The following GNB4 variants were observed in gnomAD, a reference collection of about 807,000 sequenced individuals.
GNB4 encodes the protein G protein subunit beta 4, also known as guanine nucleotide-binding protein subunit beta-4.
GNB4 carries 28 observed loss-of-function variants against 45.2 expected under a neutral mutation model. The ratio of observed to expected loss-of-function variants is 0.62; its 90% CI spans 0.46 to 0.85. GNB4 has a LOEUF of 0.85. Ranked by LOEUF, GNB4 falls within the 40% of genes least tolerant of loss-of-function variation. The probability of loss-of-function intolerance (pLI) is 0.00; values close to 1 mark genes in which losing one functional copy is unlikely to be tolerated. For missense variants in GNB4, 321 were observed against 425.4 expected (o/e 0.75, Z 2.16); for synonymous variants, 132 against 143.7 (o/e 0.92, Z 0.58).
chr3:179,431,425 G>A (rs1242897048), intron 1 of GNB4, among the ~76,000 whole-genome samples: 3 of 151,896 alleles, frequency 2.0e-5, no homozygotes, highest in South Asian at 2.1e-4. Flanking sequence ...CAGGCATCTT[G>A]GCAAACGCCT....
intron 1 of GNB4, among the ~76,000 whole-genome samples, chr3:179,432,957 G>A (rs1715347930): frequency 6.6e-6 from 1 of 152,178 alleles, no homozygotes; most frequent in Non-Finnish European, 1.5e-5. Context: ...ACCCACTACT[G>A]AAGAAATCCT....
intron 8 of GNB4, among the ~76,000 whole-genome samples, chr3:179,412,159 C>A (rs1315896127): frequency 6.6e-6 from 1 of 151,902 alleles, no homozygotes; most frequent in Non-Finnish European, 1.5e-5. Flanking sequence ...TTTTTAAATA[C>A]GAAGTAGCTT....
At chr3:179,454,871 A>T (rs1162299917), upstream of GNB4, among the ~76,000 whole-genome samples, 1 of 152,220 alleles carries the variant, frequency 6.6e-6, no homozygotes, top group Non-Finnish European at 1.5e-5. Flanking sequence ...AATGGAAATT[A>T]TCTAACAGGA....
chr3:179,415,855 T>C (rs1714785307), intron 5 of GNB4, among the ~76,000 whole-genome samples: 1 of 152,210 alleles, frequency 6.6e-6, no homozygotes. Flanking sequence ...AAAATCTCAA[T>C]CAGGTTGAAA....
chr3:179,525,442 GAA>G, the GNB4 span, among the ~76,000 whole-genome samples: 5 of 152,150 alleles, frequency 3.3e-5, no homozygotes, highest in African/African-American at 1.2e-4. Flanking sequence ...CAAGCCCAGA[GAA>G]AAGAGAGGGT....
intron 8 of GNB4, among the ~76,000 whole-genome samples, chr3:179,408,723 T>C (rs1284552964): frequency 1.3e-5 from 2 of 148,640 alleles, no homozygotes; most frequent in African/African-American, 2.5e-5. Context: ...ACCCGGGAGG[T>C]GGAGGTTGCA....
the GNB4 span, among the ~76,000 whole-genome samples, chr3:179,498,517 A>G: frequency 6.6e-6 from 1 of 152,016 alleles, no homozygotes; most frequent in Non-Finnish European, 1.5e-5. Context: ...GCTCACTGCA[A>G]CCTCCACCTT....
chr3:179,507,877 G>A, the GNB4 span, among the ~76,000 whole-genome samples: 1 of 152,130 alleles, frequency 6.6e-6, no homozygotes, highest in African/African-American at 2.4e-5. Context: ...TCATATGATT[G>A]GCACATAGTT....
Position 179,431,983 on chromosome 3 carries a change from G to T in GNB4, c.-42-5741C>A, listed in dbSNP as rs559857879. Among the ~76,000 whole-genome samples the T allele has an allele frequency of 2.0e-5, 3 of 152,162 alleles. No individual in the cohort carries two copies. In the South Asian group the frequency reaches 6.2e-4, roughly 32 times the overall value. On this transcript the variant is annotated intron_variant, in intron 1 of 9. Transcript: ENST00000232564. ...CTCCCTTAAAAAGAAAAAGAAAAAAGAAAAAATTCCTTGACTCCACATTGC... is the reference window on the plus strand; with the variant it reads ...CTCCCTTAAAAAGAAAAAGAAAAAATAAAAAATTCCTTGACTCCACATTGC...
At chr3:179,475,351 C>T in the GNB4 span, among the ~76,000 whole-genome samples, 2 of 151,764 alleles carry the variant, frequency 1.3e-5, no homozygotes, top group Non-Finnish European at 2.9e-5. Flanking sequence ...GATCTCCTGA[C>T]CTTGTGATCT....
chr3:179,519,503 G>A, the GNB4 span, among the ~76,000 whole-genome samples: 1 of 150,900 alleles, frequency 6.6e-6, no homozygotes, highest in East Asian at 1.9e-4. Context: ...CATAACTGTT[G>A]TATTGATGGC....
At chr3:179,413,104 G>A (rs1268709284) in intron 8 of GNB4, among the ~76,000 whole-genome samples, 4 of 152,066 alleles carry the variant, frequency 2.6e-5, no homozygotes, top group South Asian at 2.1e-4. Context: ...CTTGAGCCCA[G>A]GAGGTCGAGG....
chr3:179,513,145 T>G, the GNB4 span, among the ~76,000 whole-genome samples: 3 of 151,990 alleles, frequency 2.0e-5, no homozygotes, highest in African/African-American at 7.3e-5. Context: ...ACTTAAAATT[T>G]TTTCAATACT....
chr3:179,469,339 A>AGG, the GNB4 span, among the ~76,000 whole-genome samples: 1 of 152,164 alleles, frequency 6.6e-6, no homozygotes, highest in African/African-American at 2.4e-5. Flanking sequence ...AATATATACA[A>AGG]TTTTATTTGT....
intron 8 of GNB4, among the ~76,000 whole-genome samples, chr3:179,409,369 G>A (rs28588445): frequency 0.19 from 28,290 of 151,546 alleles, 3,123 homozygotes; most frequent in East Asian, 0.35. Context: ...AAAATCAGCC[G>A]GGTGTGTTGG....
At chr3:179,527,794 G>A in the GNB4 span, among the ~76,000 whole-genome samples, 2,265 of 62,274 alleles carry the variant, frequency 0.036, 53 homozygotes, top group African/African-American at 0.1. Flanking sequence ...GTATGTATGT[G>A]TGTGTGTGTG....
chr3:179,446,929 T>C (rs1715747352), intron 1 of GNB4, among the ~76,000 whole-genome samples: 1 of 152,228 alleles, frequency 6.6e-6, no homozygotes, highest in African/African-American at 2.4e-5. Flanking sequence ...AAACATATTC[T>C]AGGCTCTAGA....
chr3:179,444,794 C>T (rs1265474394), intron 1 of GNB4, among the ~76,000 whole-genome samples: 1 of 152,078 alleles, frequency 6.6e-6, no homozygotes, highest in African/African-American at 2.4e-5. Context: ...AAAAACTAGC[C>T]ACGGTAAGCC....
At chr3:179,483,231 ATAGC>A in the GNB4 span, among the ~76,000 whole-genome samples, 2 of 152,074 alleles carry the variant, frequency 1.3e-5, no homozygotes, top group Admixed American at 6.5e-5. Flanking sequence ...CTTGACTTAC[ATAGC>A]TGACCACAAA....
Sources: gnomAD v4.1 joint callset for allele counts (sites outside exome capture counted in the v4.1 genomes callset) on GRCh38, gnomAD v4.1.1 for gene constraint, MANE v1.5 for transcripts, NCBI Gene and HGNC (gene_info 2026-07-23, HGNC 2026-07-21) for gene names.